Variants in FDFT1 observed in about 807,000 individuals in gnomAD.
The protein encoded by FDFT1 is squalene synthase.
In FDFT1, 68 loss-of-function variants were observed where a neutral mutation model predicts 46.8. The ratio of observed to expected loss-of-function variants is 1.45; its 90% confidence interval spans 1.19 to 1.78. The LOEUF (loss-of-function observed/expected upper bound fraction) is 1.78, where lower values mean the gene tolerates loss of function less well. Among genes scored for constraint, FDFT1 ranks in the 40% most tolerant of loss-of-function variants. The pLI, the probability that FDFT1 is intolerant of heterozygous loss-of-function variation, is 0.00. For missense variants in FDFT1, 928 were observed against 524.4 expected, an observed-to-expected ratio of 1.77 and a Z score of -7.52; for synonymous variants, 351 against 185.1, an observed-to-expected ratio of 1.90 and a Z score of -7.28.
intron 1 of FDFT1, among the ~76,000 whole-genome samples, chr8:11,806,018 TTG>T (rs1336647980): frequency 6.6e-6 from 1 of 152,264 alleles, no homozygotes; most frequent in East Asian, 1.9e-4. Context: ...GTTCTCAAGT[TTG>T]TGGTTTTTTT....
chr8:11,823,402 A>T (rs2130822960), intron 4 of FDFT1, among the ~76,000 whole-genome samples: 1 of 152,278 alleles, frequency 6.6e-6, no homozygotes, highest in East Asian at 1.9e-4. Flanking sequence ...ATTTCTAGTA[A>T]TTCTTTTGAA....
upstream of FDFT1, among the ~76,000 whole-genome samples, chr8:11,800,760 T>C (rs1361493706): frequency 6.6e-6 from 1 of 152,258 alleles, no homozygotes; most frequent in Admixed American, 6.5e-5. Context: ...TAAAGTTTGC[T>C]TCTAAGAGAA....
At chr8:11,806,200 C>A (rs1027455118) in intron 1 of FDFT1, among the ~76,000 whole-genome samples, 23 of 152,234 alleles carry the variant, frequency 1.5e-4, no homozygotes, top group African/African-American at 5.5e-4. Flanking sequence ...TAAATTCCCT[C>A]CATCCCTGTT....
chr8:11,804,073 T>C (rs1442054600), intron 1 of FDFT1, among the ~76,000 whole-genome samples: 2 of 152,252 alleles, frequency 1.3e-5, no homozygotes, highest in Non-Finnish European at 2.9e-5. Context: ...TATCAGATAG[T>C]GTTCTAGGTG....
At chr8:11,802,656 C>G, upstream of FDFT1, 2 of 610,166 alleles carry the variant, frequency 3.3e-6, no homozygotes, top group South Asian at 1.9e-5. Context: ...GCTAGCCCCG[C>G]TGGCGGCCGA....
intron 3 of FDFT1, among the ~76,000 whole-genome samples, chr8:11,811,721 G>A (rs1211331072): frequency 1.3e-5 from 2 of 152,246 alleles, no homozygotes; most frequent in Non-Finnish European, 2.9e-5. Flanking sequence ...GTTGCCCCGG[G>A]AAGAGTAAAA....
At chr8:11,817,974 T>C (rs1808693564) in intron 3 of FDFT1, among the ~76,000 whole-genome samples, 1 of 152,224 alleles carries the variant, frequency 6.6e-6, no homozygotes, top group Non-Finnish European at 1.5e-5. Flanking sequence ...TTTAGATCTT[T>C]CCTGCTTTCT....
chr8:11,798,677 CT>C (rs1475556655), upstream of FDFT1, among the ~76,000 whole-genome samples: 1 of 152,166 alleles, frequency 6.6e-6, no homozygotes, highest in African/African-American at 2.4e-5. Context: ...CGTTAACTAA[CT>C]TTGCATTGTT....
chr8:11,808,065 T>A (rs1310378340), intron 1 of FDFT1: 1 of 166,484 alleles, frequency 6.0e-6, no homozygotes, highest in East Asian at 1.9e-4. Context: ...TGGAGGGGGA[T>A]GTGGAACCTA....
At chr8:11,837,960 G>A (rs1433061767) in intron 7 of FDFT1, among the ~76,000 whole-genome samples, 1 of 152,166 alleles carries the variant, frequency 6.6e-6, no homozygotes, top group African/African-American at 2.4e-5. Flanking sequence ...TCAAGCTGTG[G>A]TCTGTACTGC....
intron 1 of FDFT1, chr8:11,803,407 C>T (rs2252567): frequency 0.57 from 733,483 of 1,288,302 alleles, 213,172 homozygotes; most frequent in South Asian, 0.66. Flanking sequence ...CGCCTTGCTG[C>T]CTTCCATCGC....
intron 3 of FDFT1, among the ~76,000 whole-genome samples, chr8:11,810,144 C>G (rs549113433): frequency 1.3e-4 from 20 of 152,276 alleles, no homozygotes; most frequent in Non-Finnish European, 1.8e-4. Context: ...TCTGAGGATT[C>G]AAAGAATTAA....
rs368969752 is a variant in FDFT1, at chr8:11,802,809, C to T, written c.-24C>T. On this transcript the variant is annotated 5_prime_UTR_variant, in exon 1 of 8. Transcript: ENST00000220584. ...GGACCGCAGAGGTGAGAGTCGCGCC[C>T]GGGAGTCCGCCGCCTGCGCCAGGAT... 13 of 1,586,086 alleles carry T rather than the reference C, an allele frequency of 8.2e-6. No homozygotes were observed. The highest frequency in any genetic ancestry group is 5.4e-5 in the African/African-American group (4 of 74,458).
chr8:11,810,955 A>C (rs966134428), intron 3 of FDFT1, among the ~76,000 whole-genome samples: 2 of 151,464 alleles, frequency 1.3e-5, no homozygotes, highest in Non-Finnish European at 2.9e-5. Context: ...AAAAAAAAAA[A>C]AAAGGAATGT....
chr8:11,834,893 G>A (rs573641689), intron 7 of FDFT1, among the ~76,000 whole-genome samples: 4 of 152,294 alleles, frequency 2.6e-5, no homozygotes, highest in Admixed American at 2.0e-4. Context: ...GGAGGCTGAG[G>A]CAGGCAGATC....
intron 1 of FDFT1, among the ~76,000 whole-genome samples, chr8:11,805,343 A>G (rs1213460967): frequency 6.6e-6 from 1 of 152,236 alleles, no homozygotes; most frequent in Non-Finnish European, 1.5e-5. Context: ...CTGAATTTTT[A>G]GGTGCATATC....
At chr8:11,837,542 T>TA in intron 7 of FDFT1, among the ~76,000 whole-genome samples, 1 of 152,252 alleles carries the variant, frequency 6.6e-6, no homozygotes, top group East Asian at 1.9e-4. Flanking sequence ...CGGCAACTGT[T>TA]ACTAGACTGT....
rs1366156435 is a variant in FDFT1, at chr8:11,839,271, T to A, written c.*662T>A. The A allele has an allele frequency of 2.0e-5, 3 of 152,536 alleles. No individual in the cohort carries two copies. The highest frequency in any genetic ancestry group is 4.8e-5 in the African/African-American group (2 of 41,456). 9.4% of individuals were successfully genotyped at this position (152,536 alleles called of 1,614,324 possible). A position where few individuals can be genotyped will look rare whatever the true frequency, so the allele number is the denominator to read the frequency against. On this transcript the variant is annotated 3_prime_UTR_variant, in exon 8 of 8. Transcript: ENST00000220584. ...GTAAAGGTGGACATTTTTGAGATTTTTATAATAAAGAATTTAATTGCTCTG... is the reference window on the plus strand; with the variant it reads ...GTAAAGGTGGACATTTTTGAGATTTATATAATAAAGAATTTAATTGCTCTG...
chr8:11,816,931 A>T (rs1212282982), intron 3 of FDFT1, among the ~76,000 whole-genome samples: 2 of 152,190 alleles, frequency 1.3e-5, no homozygotes, highest in African/African-American at 4.8e-5. Flanking sequence ...AGAGGACGGC[A>T]TCCTTGTCTT....
Sources: gnomAD v4.1 joint callset for allele counts (sites outside exome capture counted in the v4.1 genomes callset) on GRCh38, gnomAD v4.1.1 for gene constraint, MANE v1.5 for transcripts, NCBI Gene and HGNC (gene_info 2026-07-23, HGNC 2026-07-21) for gene names.